PTPN14: variants seen among roughly 807,000 people sequenced by gnomAD.
PTPN14 encodes the protein tyrosine-protein phosphatase non-receptor type 14.
In PTPN14, 53 loss-of-function variants were observed where a neutral mutation model predicts 126.8. That is an observed-to-expected ratio of 0.42 (90% CI 0.34 to 0.53). The LOEUF is 0.53. Ranked by LOEUF, PTPN14 falls within the 20% of genes least tolerant of loss-of-function variation. The pLI is 0.08. For missense variants in PTPN14, 1,257 were observed against 1,552.9 expected (o/e 0.81, Z 3.20); for synonymous variants, 630 against 599.3 (o/e 1.05, Z -0.75).
chr1:214,384,316 T>C lies in PTPN14; in HGVS notation c.1539A>G (p.Pro513=), dbSNP rs1422823552. 8 of 1,614,046 alleles carry C rather than the reference T, an allele frequency of 5.0e-6. No homozygotes were observed. The highest frequency in any genetic ancestry group is 6.8e-6 in the Non-Finnish European group (8 of 1,180,022). The change falls in exon 13 of 19, where the codon CCA becomes CCG. Residue 513 remains proline, a synonymous_variant. Coordinates refer to ENST00000366956, the MANE Select transcript of PTPN14 (RefSeq NM_005401.5). The surrounding 1 kb of genome is among the most constrained non-coding windows in gnomAD (Gnocchi z 5.3). ...TATTCTTTGGGTTCCTCTGGTCAGA[T>C]GGACTGACAAGTTTGTTGCTGTAGA... ...QGVYSNKLVS[P]SDQRNPKNNV...
At chr1:214,380,304 C>CA (rs1658443124) in intron 13 of PTPN14, among the ~76,000 whole-genome samples, 1 of 152,112 alleles carries the variant, frequency 6.6e-6, no homozygotes, top group Non-Finnish European at 1.5e-5. Context: ...GGGTCTAAGA[C>CA]AAAAAGTAAT....
intron 3 of PTPN14, among the ~76,000 whole-genome samples, chr1:214,450,674 T>A (rs1473170559): frequency 6.6e-6 from 1 of 152,126 alleles, no homozygotes; most frequent in Non-Finnish European, 1.5e-5. Flanking sequence ...AAGGTCCGGG[T>A]AAAAGGCAAA....
intron 1 of PTPN14, chr1:214,529,286 T>C (rs1655479988): frequency 6.6e-6 from 1 of 152,210 alleles, no homozygotes; most frequent in Non-Finnish European, 1.5e-5. Context: ...CACTATACTC[T>C]AGCCTGGGCA....
In PTPN14 at chr1:214,527,877, A is replaced by C. The variant is rs538045473; in HGVS notation, c.-155+23306T>G. ...ACTAAAAGTCTGTAAGGAATGTTTA[A>C]GCATCAGTAAGATACACAGAAAGAA... is the stretch of plus-strand genomic sequence containing the variant. On this transcript the variant is annotated intron_variant, in intron 1 of 18. Transcript: ENST00000366956. 2.6e-5 allele frequency among the ~76,000 whole-genome samples: 4 copies of C among 152,362 alleles called. No individual in the cohort carries two copies. In the East Asian group the frequency reaches 7.7e-4, roughly 29 times the overall value.
chr1:214,383,442 C>G lies in PTPN14; in HGVS notation c.2413G>C (p.Gly805Arg), dbSNP rs146980027. The stretch of plus-strand genomic sequence containing the variant: ...AGGTCGGGTTCCGAGATGGATGGGC[C>G]GAGAGAGGCCCCGTTGACAGCCGGC... ...DPPAVNGASLGPSISEPDLTS... is the reference protein window; with the variant it reads ...DPPAVNGASLRPSISEPDLTS... The change falls in exon 13 of 19, where the codon GGC becomes CGC. Residue 805 changes from glycine (G) to arginine (R), a missense_variant. Transcript: ENST00000366956. This position sits in a 1 kb window ranked among gnomAD's most constrained non-coding sequence, Gnocchi z 4.4. 1 of 1,614,214 alleles carries G rather than the reference C, an allele frequency of 6.2e-7. No individual in the cohort carries two copies. Among genetic ancestry groups the G allele is most frequent in the Non-Finnish European group, 8.5e-7 (1 of 1,180,048 alleles).
chr1:214,398,184 C>G lies in PTPN14; in HGVS notation c.670-183G>C, dbSNP rs12748605. 0.12 allele frequency among the ~76,000 whole-genome samples: 18,722 copies of G among 152,236 alleles called. 1,211 individuals are homozygous for G. The highest frequency in any genetic ancestry group is 0.18 in the Middle Eastern group (54 of 294). The stretch of plus-strand genomic sequence containing the variant: ...AAAACAGAATAAAATTGGCATTTGC[C>G]ACAATACAGATGGAATTGGAGAACA... On this transcript the variant is annotated intron_variant, in intron 7 of 18. Coordinates refer to ENST00000366956, the MANE Select transcript of PTPN14 (RefSeq NM_005401.5).
chr1:214,428,670 G>A (rs1268403730), intron 3 of PTPN14, among the ~76,000 whole-genome samples: 1 of 152,160 alleles, frequency 6.6e-6, no homozygotes, highest in African/African-American at 2.4e-5. Flanking sequence ...ATGGCAAAGA[G>A]ACCATGTAGT....
intron 1 of PTPN14, among the ~76,000 whole-genome samples, chr1:214,469,181 G>T (rs956184246): frequency 2.0e-5 from 3 of 152,206 alleles, no homozygotes; most frequent in Non-Finnish European, 4.4e-5. Context: ...GATTAGAGAA[G>T]AAGATCTCTT....
At chr1:214,410,097 C>T (rs890258641) in intron 5 of PTPN14, among the ~76,000 whole-genome samples, 1 of 151,974 alleles carries the variant, frequency 6.6e-6, no homozygotes, top group African/African-American at 2.4e-5. Context: ...TGTGGGTTGT[C>T]TCTTTATATC....
At chr1:214,474,393 A>G (rs1021650733) in intron 1 of PTPN14, among the ~76,000 whole-genome samples, 5 of 152,200 alleles carry the variant, frequency 3.3e-5, no homozygotes, top group African/African-American at 1.2e-4. Context: ...AAGTTCCTTG[A>G]CCTGACTTCT....
intron 2 of PTPN14, among the ~76,000 whole-genome samples, chr1:214,461,353 C>G (rs941882141): frequency 5.9e-5 from 9 of 152,136 alleles, no homozygotes; most frequent in African/African-American, 2.2e-4. Flanking sequence ...ACATATTACC[C>G]TGAGCACAGT....
intron 1 of PTPN14, chr1:214,483,164 A>G: frequency 6.3e-7 from 1 of 1,590,508 alleles, no homozygotes; most frequent in Non-Finnish European, 8.6e-7. Flanking sequence ...ATCTACACAG[A>G]AGACAAAATA....
chr1:214,459,953 C>T (rs1202587305), intron 2 of PTPN14, among the ~76,000 whole-genome samples: 1 of 152,182 alleles, frequency 6.6e-6, no homozygotes, highest in Non-Finnish European at 1.5e-5. Context: ...TACTGGAACA[C>T]CGTTTTCTTT....
chr1:214,350,707 ATTT>A lies in PTPN14; in HGVS notation c.*7212_*7214del, dbSNP rs56080046. The A allele has an allele frequency of 4.0e-5, 3 of 74,552 alleles. No homozygotes were observed. Among genetic ancestry groups the A allele is most frequent in the African/African-American group, 1.3e-4 (2 of 14,932 alleles). The allele number at this position is 74,552 out of a possible 1,614,324, so 4.6% of individuals were successfully genotyped here. On this transcript the variant is annotated 3_prime_UTR_variant, in exon 19 of 19. Coordinates refer to ENST00000366956, the MANE Select transcript of PTPN14 (RefSeq NM_005401.5). ...AGGCATGTGCCACCATGCCTGGCTA[ATTT>A]TTTTTTTTTTTTTTTTTTTTGTATT...
intron 1 of PTPN14, among the ~76,000 whole-genome samples, chr1:214,538,604 C>T (rs1655765376): frequency 1.3e-5 from 2 of 152,124 alleles, no homozygotes; most frequent in Non-Finnish European, 2.9e-5. Flanking sequence ...ATGCCTGTTA[C>T]GTGCCCAATT....
chr1:214,388,863 G>A (rs1400677347), intron 11 of PTPN14, among the ~76,000 whole-genome samples: 1 of 152,110 alleles, frequency 6.6e-6, no homozygotes. Context: ...TTGAAGCTGG[G>A]TGAATAACTC....
intron 2 of PTPN14, among the ~76,000 whole-genome samples, chr1:214,458,214 T>A (rs911078816): frequency 3.9e-5 from 6 of 152,136 alleles, no homozygotes; most frequent in African/African-American, 1.4e-4. Context: ...CATGCCTGGC[T>A]AATTTTTTAT....
chr1:214,532,362 C>T (rs540988671), intron 1 of PTPN14: 14 of 585,156 alleles, frequency 2.4e-5, no homozygotes, highest in Admixed American at 1.2e-4. Context: ...CTTGGGGTCC[C>T]GGGGCCTGGC....
chr1:214,479,185 A>G (rs558982611), intron 1 of PTPN14, among the ~76,000 whole-genome samples: 6 of 152,188 alleles, frequency 3.9e-5, no homozygotes, highest in African/African-American at 1.4e-4. Flanking sequence ...CATCTCTACA[A>G]AAAATTTAAA....
Sources: allele counts gnomAD v4.1 joint callset (sites outside exome capture counted in the v4.1 genomes callset), GRCh38; gene constraint gnomAD v4.1.1; non-coding constraint Gnocchi (gnomAD v3.1); transcripts MANE v1.5; gene names NCBI Gene and HGNC (gene_info 2026-07-23, HGNC 2026-07-21).